PSMF1: variants seen among roughly 807,000 people sequenced by gnomAD.
The protein encoded by PSMF1 is proteasome inhibitor subunit 1.
Under a neutral mutation model 29.3 loss-of-function variants are expected in PSMF1, and 30 were observed. The observed-to-expected ratio is 1.02, with a 90% CI of 0.77 to 1.39. PSMF1 has a LOEUF of 1.39. Ranked by LOEUF, PSMF1 falls within the 40% of genes most tolerant of loss-of-function variation. The pLI is 0.00. For missense variants in PSMF1, 344 were observed against 357.5 expected, an observed-to-expected ratio of 0.96 and a Z score of 0.31; for synonymous variants, 134 against 139.7, an observed-to-expected ratio of 0.96 and a Z score of 0.29.
intron 2 of PSMF1, among the ~76,000 whole-genome samples, chr20:1,126,767 T>C (rs1413384704): frequency 6.6e-6 from 1 of 152,102 alleles, no homozygotes; most frequent in Non-Finnish European, 1.5e-5. Flanking sequence ...TAATCCCAGC[T>C]ACTTGGGAGG....
At chr20:1,122,936 T>C (rs988196184) in intron 1 of PSMF1, among the ~76,000 whole-genome samples, 1 of 152,160 alleles carries the variant, frequency 6.6e-6, no homozygotes, top group African/African-American at 2.4e-5. Flanking sequence ...TAATATAAAT[T>C]TAAAGGCGTT....
upstream of PSMF1, among the ~76,000 whole-genome samples, chr20:1,115,456 C>T (rs1016232443): frequency 5.3e-5 from 8 of 152,220 alleles, no homozygotes; most frequent in East Asian, 1.3e-3. Flanking sequence ...GGCCAGTCCA[C>T]TTTTTACTGT....
rs2086759350 is a variant in PSMF1 at position 1,168,714 on chromosome 20, C to T, written c.*3634C>T. Among the ~76,000 whole-genome samples the T allele has an allele frequency of 6.6e-6, 1 of 152,174 alleles. No homozygotes were observed. The highest frequency in any genetic ancestry group is 2.4e-5 in the African/African-American group (1 of 41,436). ...GGAACCTAGTTTCTCCTATGGCCTC[C>T]CTTTCTACTGTTGTTAATAACATTC... On this transcript the variant is annotated 3_prime_UTR_variant, in exon 7 of 7. Coordinates refer to ENST00000335877, the MANE Select transcript of PSMF1 (RefSeq NM_006814.5).
At chr20:1,147,859 G>A (rs565507111) in intron 4 of PSMF1, among the ~76,000 whole-genome samples, 1 of 152,230 alleles carries the variant, frequency 6.6e-6, no homozygotes, top group Admixed American at 6.5e-5. Flanking sequence ...GCCCAGTTTT[G>A]GGGGGAGGCC....
Position 1,118,660 on chromosome 20 carries a change from G to A in PSMF1, c.-114G>A. The A allele has an allele frequency of 7.6e-7, 1 of 1,319,640 alleles. No individual in the cohort carries two copies. The highest frequency in any genetic ancestry group is 1.0e-6 in the Non-Finnish European group (1 of 985,418). 81.7% of individuals were successfully genotyped at this position (1,319,640 alleles called of 1,614,324 possible). A position where few individuals can be genotyped will look rare whatever the true frequency, so the allele number is the denominator to read the frequency against. ...CCATTTTGGTCTCAGGTGTGGACTC[G>A]GCAAGAACCAGCGCAAGAGGGAAGC... On this transcript the variant is annotated 5_prime_UTR_variant, in exon 1 of 7. Coordinates refer to ENST00000335877, the MANE Select transcript of PSMF1 (RefSeq NM_006814.5).
chr20:1,125,685 A>C, intron 2 of PSMF1, 35 bp downstream of exon 2: 1 of 1,595,986 alleles, frequency 6.3e-7, no homozygotes, highest in Non-Finnish European at 8.5e-7. Context: ...TGCTGATGAG[A>C]TGGGGATAGG....
chr20:1,148,187 T>TGGG (rs1283350903), intron 4 of PSMF1, among the ~76,000 whole-genome samples: 1 of 152,236 alleles, frequency 6.6e-6, no homozygotes, highest in Non-Finnish European at 1.5e-5. Context: ...GCTGTGATAC[T>TGGG]GGGTGCGTCT....
At chr20:1,139,231 A>G (rs1213596045) in intron 4 of PSMF1, among the ~76,000 whole-genome samples, 1 of 152,318 alleles carries the variant, frequency 6.6e-6, no homozygotes, top group South Asian at 2.1e-4. Flanking sequence ...AATTTTCTAA[A>G]GCCAATAAAG....
intron 4 of PSMF1, among the ~76,000 whole-genome samples, chr20:1,137,672 A>T (rs2086324562): frequency 1.3e-5 from 2 of 152,226 alleles, no homozygotes; most frequent in Admixed American, 6.5e-5. Context: ...ATACCAACTA[A>T]AATGCAGTGT....
chr20:1,124,161 C>G (rs1325265936), intron 1 of PSMF1, among the ~76,000 whole-genome samples: 2 of 152,142 alleles, frequency 1.3e-5, no homozygotes, highest in Admixed American at 1.3e-4. Flanking sequence ...CAATTATGAA[C>G]AGTGTCAAAG....
chr20:1,149,345 A>G (rs1027536847), intron 4 of PSMF1, among the ~76,000 whole-genome samples: 1 of 152,242 alleles, frequency 6.6e-6, no homozygotes, highest in African/African-American at 2.4e-5. Context: ...CTATCATGCC[A>G]TTTGAATGGA....
intron 1 of PSMF1, among the ~76,000 whole-genome samples, chr20:1,124,504 G>A (rs2086128728): frequency 6.6e-6 from 1 of 152,034 alleles, no homozygotes; most frequent in Non-Finnish European, 1.5e-5. Flanking sequence ...AAAACAACTT[G>A]ACTTTATCTT....
At chr20:1,138,446 C>T (rs1416412655) in intron 4 of PSMF1, among the ~76,000 whole-genome samples, 1 of 151,380 alleles carries the variant, frequency 6.6e-6, no homozygotes, top group Non-Finnish European at 1.5e-5. Flanking sequence ...TCGCTTGAAC[C>T]CGGGAGGTGG....
At chr20:1,141,892 TTAAAA>T (rs2086385055) in intron 4 of PSMF1, among the ~76,000 whole-genome samples, 1 of 152,136 alleles carries the variant, frequency 6.6e-6, no homozygotes, top group African/African-American at 2.4e-5. Flanking sequence ...GGAACGAAAT[TTAAAA>T]TACAGTACTG....
intron 3 of PSMF1, among the ~76,000 whole-genome samples, chr20:1,130,562 C>T (rs1442059193): frequency 2.0e-5 from 3 of 152,138 alleles, no homozygotes; most frequent in African/African-American, 4.8e-5. Context: ...TTTTGGTTAC[C>T]GATTTAAACG....
At chr20:1,160,905 C>T (rs2086658636) in intron 4 of PSMF1, 1 of 441,740 alleles carries the variant, frequency 2.3e-6, no homozygotes, top group Non-Finnish European at 4.5e-6. Context: ...TGACTGAGGG[C>T]CCCCTGAACC....
intron 2 of PSMF1, among the ~76,000 whole-genome samples, chr20:1,126,847 C>A (rs921966280): frequency 6.6e-6 from 1 of 152,156 alleles, no homozygotes; most frequent in Non-Finnish European, 1.5e-5. Context: ...CCACTGAACT[C>A]CAGCCTGGGC....
chr20:1,114,507 C>A (rs2085997180), upstream of PSMF1, among the ~76,000 whole-genome samples: 1 of 149,930 alleles, frequency 6.7e-6, no homozygotes, highest in African/African-American at 2.5e-5. Flanking sequence ...AGTGTTGAAC[C>A]AAGGGGTGGG....
At chr20:1,161,715 G>A (rs533011903) in intron 4 of PSMF1, 30 of 599,580 alleles carry the variant, frequency 5.0e-5, no homozygotes, top group Admixed American at 4.1e-4. Flanking sequence ...ACAAGCAGAT[G>A]TGTAGCATTT....
Sources: allele counts gnomAD v4.1 joint callset (sites outside exome capture counted in the v4.1 genomes callset), GRCh38; gene constraint gnomAD v4.1.1; transcripts MANE v1.5; gene names NCBI Gene and HGNC (gene_info 2026-07-23, HGNC 2026-07-21).